Variants in HPSE2 observed in about 807,000 individuals in gnomAD.
HPSE2 encodes the protein heparanase 2 (inactive), also known as inactive heparanase-2.
Under a neutral mutation model 60.5 loss-of-function variants are expected in HPSE2, and 38 were observed. That is an observed-to-expected ratio of 0.63 (90% CI 0.48 to 0.82). HPSE2 has a LOEUF of 0.82. Ranked by LOEUF, HPSE2 falls within the 40% of genes least tolerant of loss-of-function variation. HPSE2 has a pLI of 0.00. For missense variants in HPSE2, 713 were observed against 740.4 expected, an observed-to-expected ratio of 0.96 and a Z score of 0.43; for synonymous variants, 295 against 293.2, an observed-to-expected ratio of 1.01 and a Z score of -0.06.
the HPSE2 span, among the ~76,000 whole-genome samples, chr10:99,286,836 C>T: frequency 6.6e-6 from 1 of 152,162 alleles, no homozygotes; most frequent in Non-Finnish European, 1.5e-5. Flanking sequence ...ACTGTGCAAA[C>T]TGCTTAATAG....
chr10:98,733,877 C>A (rs1484049645), intron 4 of HPSE2, among the ~76,000 whole-genome samples: 1 of 152,170 alleles, frequency 6.6e-6, no homozygotes, highest in Non-Finnish European at 1.5e-5. Flanking sequence ...AAAACACATA[C>A]AATTCACCAA....
chr10:98,989,720 C>T lies in HPSE2; in HGVS notation c.610+154518G>A, dbSNP rs113641475. On this transcript the variant is annotated intron_variant, in intron 3 of 11. Coordinates refer to ENST00000370552, the MANE Select transcript of HPSE2 (RefSeq NM_021828.5). Reference sequence around the variant, plus strand: ...GATGCTTGGTCTCCATGTGGCGAAGCAGTTTTGAATATTTCATGGCCTTTT... The same window carrying T: ...GATGCTTGGTCTCCATGTGGCGAAGTAGTTTTGAATATTTCATGGCCTTTT... Among the ~76,000 whole-genome samples the T allele has an allele frequency of 1.7e-3, 266 of 152,056 alleles. 1 individual carries two copies. The highest frequency in any genetic ancestry group is 6.3e-3 in the African/African-American group (261 of 41,478).
rs1010918176 is a variant in HPSE2, at chr10:98,457,439, C to T, written c.*2135G>A. 3 of 152,184 alleles carry T rather than the reference C, an allele frequency of 2.0e-5. No homozygotes were observed. The highest frequency in any genetic ancestry group is 7.2e-5 in the African/African-American group (3 of 41,444). 9.4% of individuals were successfully genotyped at this position (152,184 alleles called of 1,614,324 possible). On this transcript the variant is annotated 3_prime_UTR_variant, in exon 12 of 12. Transcript: ENST00000370552. ...TGCCTCGTAGGAAAAATGGGGATAACAGTAGTACCCCTTTATCATGGGGTT... is the reference window on the plus strand; with the variant it reads ...TGCCTCGTAGGAAAAATGGGGATAATAGTAGTACCCCTTTATCATGGGGTT...
chr10:98,926,975 C>A (rs1244426726), intron 3 of HPSE2, among the ~76,000 whole-genome samples: 1 of 152,062 alleles, frequency 6.6e-6, no homozygotes, highest in African/African-American at 2.4e-5. Flanking sequence ...GTCTGAGAGA[C>A]AGTTTGTTAT....
At chr10:98,905,751 G>A (rs1424528942) in intron 3 of HPSE2, among the ~76,000 whole-genome samples, 1 of 152,164 alleles carries the variant, frequency 6.6e-6, no homozygotes, top group Non-Finnish European at 1.5e-5. Flanking sequence ...CCTTCATTAT[G>A]TTCAGATGCA....
intron 2 of HPSE2, among the ~76,000 whole-genome samples, chr10:99,174,141 C>T (rs1464648884): frequency 6.6e-6 from 1 of 152,278 alleles, no homozygotes; most frequent in East Asian, 1.9e-4. Context: ...ATTTTATTCC[C>T]TTTATTTTGT....
chr10:99,132,196 AGAGAGAGAGAGAGAGAGAGAGAGAGAG>A (rs1845441715), intron 3 of HPSE2, among the ~76,000 whole-genome samples: 3 of 43,490 alleles, frequency 6.9e-5, no homozygotes, highest in African/African-American at 2.6e-4. Flanking sequence ...AAAGAAAGAG[AGAGAGAGAGAGAGAGAGAGAGAGAGAG>A]AGAGAGAGAG....
chr10:98,649,995 T>C (rs1946874771), intron 6 of HPSE2, among the ~76,000 whole-genome samples: 1 of 152,196 alleles, frequency 6.6e-6, no homozygotes. Flanking sequence ...TTCCCTTCCA[T>C]AGTGCTGAGC....
At chr10:98,514,966 C>T (rs867676214) in intron 9 of HPSE2, among the ~76,000 whole-genome samples, 22 of 151,972 alleles carry the variant, frequency 1.4e-4, no homozygotes, top group Admixed American at 1.3e-3. Flanking sequence ...TCAGGCAATC[C>T]GCCCGCCTCG....
chr10:98,963,226 A>T (rs1042870958), intron 3 of HPSE2, among the ~76,000 whole-genome samples: 1 of 152,216 alleles, frequency 6.6e-6, no homozygotes, highest in Non-Finnish European at 1.5e-5. Flanking sequence ...GACATATTAT[A>T]ACTCTTTGTT....
At chr10:98,801,176 C>T (rs1347457957) in intron 3 of HPSE2, among the ~76,000 whole-genome samples, 1 of 152,072 alleles carries the variant, frequency 6.6e-6, no homozygotes, top group Admixed American at 6.6e-5. Context: ...CATGATAAAA[C>T]TGTCAAATAA....
intron 3 of HPSE2, among the ~76,000 whole-genome samples, chr10:99,074,777 T>C (rs767811712): frequency 3.3e-5 from 5 of 152,170 alleles, no homozygotes; most frequent in Non-Finnish European, 7.4e-5. Flanking sequence ...TGAGTGAGTC[T>C]TGGTAGACTG....
At chr10:98,600,129 T>A (rs186285678) in intron 9 of HPSE2, among the ~76,000 whole-genome samples, 1 of 152,312 alleles carries the variant, frequency 6.6e-6, no homozygotes, top group East Asian at 1.9e-4. Flanking sequence ...TAGGTATGGA[T>A]GTTTACTGCT....
Position 98,932,954 on chromosome 10 carries a change from T to G in HPSE2, c.611-188898A>C, listed in dbSNP as rs373594605. ...TCCTGGATTTGTTGATTTTTCGAAG[T>G]GTTTTTCAGGTCTCTATCTCCCGAG... is the stretch of plus-strand genomic sequence containing the variant. On this transcript the variant is annotated intron_variant, in intron 3 of 11. Transcript: ENST00000370552. Among the ~76,000 whole-genome samples the G allele has an allele frequency of 1.3e-4, 18 of 143,842 alleles. 3 individuals are homozygous for G. The highest frequency in any genetic ancestry group is 4.8e-4 in the African/African-American group (17 of 35,418). The allele number at this position is 143,842 out of a possible 152,430, so 94.4% of individuals were successfully genotyped here.
chr10:99,132,193 G>GAAAGAAAGAAAGAAAGAAAGAA (rs1462262867), intron 3 of HPSE2, among the ~76,000 whole-genome samples: 3 of 13,418 alleles, frequency 2.2e-4, no homozygotes, highest in Admixed American at 1.1e-3. Flanking sequence ...AAGAAAGAAA[G>GAAAGAAAGAAAGAAAGAAAGAA]AGAGAGAGAG....
chr10:98,527,536 A>C (rs1386641417), intron 9 of HPSE2, among the ~76,000 whole-genome samples: 2 of 152,130 alleles, frequency 1.3e-5, no homozygotes, highest in African/African-American at 2.4e-5. Context: ...CTCATCCCTC[A>C]GGTCTCTGCT....
At chr10:98,822,160 G>A (rs1042615669) in intron 3 of HPSE2, among the ~76,000 whole-genome samples, 5 of 152,096 alleles carry the variant, frequency 3.3e-5, no homozygotes, top group Admixed American at 6.6e-5. Flanking sequence ...AACATTTCAA[G>A]GGCTGCCAAA....
chr10:98,715,065 T>C (rs1948759465), intron 5 of HPSE2, among the ~76,000 whole-genome samples: 1 of 152,054 alleles, frequency 6.6e-6, no homozygotes, highest in South Asian at 2.1e-4. Flanking sequence ...AAGAATTCTT[T>C]AAATATATTC....
intron 3 of HPSE2, among the ~76,000 whole-genome samples, chr10:99,026,621 G>A (rs1205857855): frequency 2.0e-5 from 3 of 150,554 alleles, no homozygotes; most frequent in Admixed American, 6.6e-5. Flanking sequence ...CAGATCAAAT[G>A]GATCTGAGAT....
Sources: allele counts gnomAD v4.1 joint callset (sites outside exome capture counted in the v4.1 genomes callset), GRCh38; gene constraint gnomAD v4.1.1; transcripts MANE v1.5; gene names NCBI Gene and HGNC (gene_info 2026-07-23, HGNC 2026-07-21).